Variants in CLDN16 observed in about 807,000 individuals in gnomAD.
The protein encoded by CLDN16 is claudin-16.
Under a neutral mutation model 24.6 loss-of-function variants are expected in CLDN16, and 13 were observed. The observed-to-expected ratio is 0.53, with a 90% CI of 0.34 to 0.84. The LOEUF (loss-of-function observed/expected upper bound fraction) is 0.84. CLDN16 is among the 40% of genes least tolerant of loss of function. The probability of loss-of-function intolerance (pLI) is 0.01; values close to 1 mark genes in which losing one functional copy is unlikely to be tolerated. For synonymous variants in CLDN16, 116 were observed against 106.7 expected, an observed-to-expected ratio of 1.09 and a Z score of -0.54; for missense variants, 298 against 292.7, an observed-to-expected ratio of 1.02 and a Z score of -0.13.
At chr3:190,390,937 C>T (rs1718639687) in intron 1 of CLDN16, among the ~76,000 whole-genome samples, 2 of 152,054 alleles carry the variant, frequency 1.3e-5, no homozygotes, top group East Asian at 1.9e-4. Flanking sequence ...AGGTGCATGT[C>T]CCCACAACTG....
intron 1 of CLDN16, among the ~76,000 whole-genome samples, chr3:190,335,180 A>C (rs1176595876): frequency 1.3e-5 from 2 of 151,760 alleles, no homozygotes; most frequent in African/African-American, 4.8e-5. Context: ...AGTAGCTGAG[A>C]TTACAGGCAC....
At chr3:190,402,262 C>A in intron 1 of CLDN16, 75 bp from the exon 2 acceptor site, 3 of 1,141,422 alleles carry the variant, frequency 2.6e-6, no homozygotes, top group Non-Finnish European at 4.0e-6. Context: ...CAACCACCAA[C>A]TTCTCTTTTT....
chr3:190,390,859 C>T (rs1174303400), intron 1 of CLDN16, among the ~76,000 whole-genome samples: 1 of 152,122 alleles, frequency 6.6e-6, no homozygotes, highest in Non-Finnish European at 1.5e-5. Context: ...GATCATATCT[C>T]ACTGCAGATT....
chr3:190,392,532 A>C (rs1015337618), intron 1 of CLDN16, among the ~76,000 whole-genome samples: 3 of 152,154 alleles, frequency 2.0e-5, no homozygotes, highest in Non-Finnish European at 4.4e-5. Flanking sequence ...TGAGTGGGAC[A>C]AATAGGTGAA....
chr3:190,395,738 T>A (rs1718803340), intron 1 of CLDN16, among the ~76,000 whole-genome samples: 1 of 152,074 alleles, frequency 6.6e-6, no homozygotes, highest in Admixed American at 6.5e-5. Context: ...TTTAAAATAA[T>A]ATATCTTAAT....
At chr3:190,348,247 C>A (rs1717595233) in intron 1 of CLDN16, among the ~76,000 whole-genome samples, 1 of 112,954 alleles carries the variant, frequency 8.9e-6, no homozygotes, top group African/African-American at 3.7e-5. Flanking sequence ...GAGCAAGACT[C>A]CGTCTCAAAA....
chr3:190,322,197 C>T (rs759469733), upstream of CLDN16: 3 of 1,613,666 alleles, frequency 1.9e-6, no homozygotes, highest in East Asian at 2.2e-5. Flanking sequence ...TGCAGCCCCG[C>T]GTTGGCCATG....
chr3:190,333,311 T>C (rs183472709), intron 1 of CLDN16, among the ~76,000 whole-genome samples: 5 of 152,294 alleles, frequency 3.3e-5, no homozygotes, highest in Non-Finnish European at 1.5e-5. Flanking sequence ...TTATTTTCCC[T>C]AAAAGGGTAT....
chr3:190,300,586 A>G, the CLDN16 span, among the ~76,000 whole-genome samples: 1 of 152,242 alleles, frequency 6.6e-6, no homozygotes, highest in Non-Finnish European at 1.5e-5. Context: ...TATGATAGAC[A>G]ATTTATGTGA....
the CLDN16 span, among the ~76,000 whole-genome samples, chr3:190,305,014 T>C: frequency 0.63 from 96,521 of 152,104 alleles, 31,268 homozygotes; most frequent in East Asian, 0.77. Flanking sequence ...TTCAAACTTC[T>C]GCTGGCCTTG....
chr3:190,395,105 A>G (rs951014978), intron 1 of CLDN16, among the ~76,000 whole-genome samples: 6 of 152,136 alleles, frequency 3.9e-5, no homozygotes, highest in African/African-American at 1.2e-4. Flanking sequence ...TTTAAAAGGA[A>G]GACATTTTAA....
At chr3:190,330,336 G>A (rs930030827) in intron 1 of CLDN16, among the ~76,000 whole-genome samples, 10 of 152,142 alleles carry the variant, frequency 6.6e-5, no homozygotes, top group Admixed American at 3.9e-4. Flanking sequence ...TGTGATCCAT[G>A]TTCTAACTGA....
intron 1 of CLDN16, among the ~76,000 whole-genome samples, chr3:190,333,863 C>T (rs932896511): frequency 1.3e-5 from 2 of 152,038 alleles, no homozygotes; most frequent in Non-Finnish European, 2.9e-5. Context: ...AAGGCACATA[C>T]TTCAATGGGG....
chr3:190,339,080 T>C (rs1013799475), intron 1 of CLDN16, among the ~76,000 whole-genome samples: 3 of 152,212 alleles, frequency 2.0e-5, no homozygotes, highest in Non-Finnish European at 4.4e-5. Flanking sequence ...GAAAATTATC[T>C]GATTATAATC....
intron 1 of CLDN16, among the ~76,000 whole-genome samples, chr3:190,362,587 C>T (rs1376915928): frequency 2.0e-5 from 3 of 151,998 alleles, no homozygotes; most frequent in Non-Finnish European, 4.4e-5. Flanking sequence ...TTGCAATTCC[C>T]GTGTCTTGAT....
the CLDN16 span, among the ~76,000 whole-genome samples, chr3:190,291,693 C>T: frequency 3.9e-5 from 6 of 152,040 alleles, no homozygotes; most frequent in Non-Finnish European, 5.9e-5. Context: ...AAGTCCCTTC[C>T]ACCTAGGAGC....
chr3:190,337,733 G>A (rs1032905091), intron 1 of CLDN16, among the ~76,000 whole-genome samples: 6 of 152,224 alleles, frequency 3.9e-5, no homozygotes, highest in African/African-American at 9.6e-5. Flanking sequence ...TTCCTAGGAT[G>A]TGTTTGCCTT....
At chr3:190,346,542 T>C (rs1717553917) in intron 1 of CLDN16, among the ~76,000 whole-genome samples, 2 of 152,240 alleles carry the variant, frequency 1.3e-5, no homozygotes, top group South Asian at 4.1e-4. Context: ...TAAGTTGTCC[T>C]AGTATTCTTT....
chr3:190,349,015 C>T (rs891141814), intron 1 of CLDN16, among the ~76,000 whole-genome samples: 6 of 152,160 alleles, frequency 3.9e-5, no homozygotes, highest in Non-Finnish European at 8.8e-5. Context: ...TTCATGGCTG[C>T]GTAATATACC....
Sources: allele counts gnomAD v4.1 joint callset (sites outside exome capture counted in the v4.1 genomes callset), GRCh38; gene constraint gnomAD v4.1.1; transcripts MANE v1.5; gene names NCBI Gene and HGNC (gene_info 2026-07-23, HGNC 2026-07-21).